HNRNPR: variants seen among roughly 807,000 people sequenced by gnomAD.
The protein encoded by HNRNPR is heterogeneous nuclear ribonucleoprotein R.
A neutral mutation model predicts 70.3 loss-of-function variants in HNRNPR; 4 were observed. That is an observed-to-expected ratio of 0.06 (90% CI 0.03 to 0.13). The LOEUF (loss-of-function observed/expected upper bound fraction) is 0.13. Among genes scored for constraint, HNRNPR ranks in the 10% least tolerant of loss-of-function variants. The pLI is 1.00. For synonymous variants in HNRNPR, 241 were observed against 267.6 expected (o/e 0.90, Z 0.97); for missense variants, 423 against 788.5 (o/e 0.54, Z 5.55).
In HNRNPR at chr1:23,306,661, G is replaced by GTA. The variant is rs1557794901; in HGVS notation, c.*3791_*3792dup. 6.6e-6 allele frequency: 1 copy of GTA among 151,792 alleles called. No homozygotes were observed. The highest frequency in any genetic ancestry group is 1.9e-4 in the East Asian group (1 of 5,184). 9.4% of individuals were successfully genotyped at this position (151,792 alleles called of 1,614,324 possible). A position where few individuals can be genotyped will look rare whatever the true frequency, so the allele number is the denominator to read the frequency against. The stretch of plus-strand genomic sequence containing the variant: ...CCTCTAAATAAAAAAGTATATATAT[G>GTA]TACTTTTATTTAAAGAAAAAAAACT... On this transcript the variant is annotated 3_prime_UTR_variant, in exon 11 of 11. Transcript: ENST00000302271.
chr1:23,341,829 A>G (rs1169148713), intron 1 of HNRNPR, among the ~76,000 whole-genome samples: 1 of 152,210 alleles, frequency 6.6e-6, no homozygotes, highest in Non-Finnish European at 1.5e-5. Context: ...TTACCTAATT[A>G]GGCTAAACTT....
chr1:23,305,416 G>A lies in HNRNPR; in HGVS notation c.*5038C>T, dbSNP rs566496514. On this transcript the variant is annotated 3_prime_UTR_variant, in exon 11 of 11. Transcript: ENST00000302271. Reference sequence around the variant, plus strand: ...AGTCTATAGCAAACTTACAAGTAAGGGTTTATATTCATGACACTGACTAGC... The same window carrying A: ...AGTCTATAGCAAACTTACAAGTAAGAGTTTATATTCATGACACTGACTAGC... The A allele has an allele frequency of 2.0e-5, 3 of 152,058 alleles. No individual in the cohort carries two copies. The highest frequency in any genetic ancestry group is 1.9e-4 in the East Asian group (1 of 5,168). The allele number at this position is 152,058 out of a possible 1,614,324, so 9.4% of individuals were successfully genotyped here.
At chr1:23,331,873 G>T (rs1292726614) in intron 5 of HNRNPR, among the ~76,000 whole-genome samples, 2 of 118,660 alleles carry the variant, frequency 1.7e-5, no homozygotes, top group East Asian at 3.2e-4. Context: ...GGTCCCTGGT[G>T]TAACAGGTTA....
chr1:23,307,615 G>A lies in HNRNPR; in HGVS notation c.*2839C>T, dbSNP rs1645222526. On this transcript the variant is annotated 3_prime_UTR_variant, in exon 11 of 11. Transcript: ENST00000302271. ...TTATTAGAAATCTGGCAACTTATTA[G>A]AACTTTTTTGCTCTTAAAAATTAAA... The A allele has an allele frequency of 2.0e-5, 3 of 151,932 alleles. No individual in the cohort carries two copies. Among genetic ancestry groups the A allele is most frequent in the African/African-American group, 7.2e-5 (3 of 41,386 alleles). 9.4% of individuals were successfully genotyped at this position (151,932 alleles called of 1,614,324 possible). A position where few individuals can be genotyped will look rare whatever the true frequency, so the allele number is the denominator to read the frequency against.
Position 23,310,307 on chromosome 1 carries a change from A to AT in HNRNPR, c.*146dup. Reference sequence around the variant, plus strand: ...AGGAAAAATAAAAAGACTTGAGTATATACACAATAGTGATTTCTTCAGCCC... The same window carrying AT: ...AGGAAAAATAAAAAGACTTGAGTATATTACACAATAGTGATTTCTTCAGCCC... On this transcript the variant is annotated 3_prime_UTR_variant, in exon 11 of 11. Coordinates refer to ENST00000302271, the MANE Select transcript of HNRNPR (RefSeq NM_005826.5). The surrounding 1 kb of genome is among the most constrained non-coding windows in gnomAD (Gnocchi z 6.0). 1 of 737,658 alleles carries AT rather than the reference A, an allele frequency of 1.4e-6. No individual in the cohort carries two copies. Among genetic ancestry groups the AT allele is most frequent in the South Asian group, 2.0e-5 (1 of 50,638 alleles). 45.7% of individuals were successfully genotyped at this position (737,658 alleles called of 1,614,324 possible). A position where few individuals can be genotyped will look rare whatever the true frequency, so the allele number is the denominator to read the frequency against.
intron 6 of HNRNPR, 96 bp from the exon 7 acceptor site, chr1:23,321,759 C>A: frequency 8.1e-7 from 1 of 1,232,566 alleles, no homozygotes; most frequent in Non-Finnish European, 1.1e-6. Context: ...GCCAAACGCT[C>A]CCTGCTTCAT....
chr1:23,308,457 TA>T lies in HNRNPR; in HGVS notation c.*1996del, dbSNP rs540635184. 2.0e-4 allele frequency: 31 copies of T among 152,218 alleles called. No individual in the cohort carries two copies. The highest frequency in any genetic ancestry group is 6.7e-4 in the African/African-American group (28 of 41,584). The allele number at this position is 152,218 out of a possible 1,614,324, so 9.4% of individuals were successfully genotyped here. ...GGTTTTACTTAAGTCTAATTAGATG[TA>T]TAGTTACAACTTCAAATTGTACTTT... On this transcript the variant is annotated 3_prime_UTR_variant, in exon 11 of 11. Transcript: ENST00000302271.
chr1:23,335,447 T>A (rs1490487606), intron 4 of HNRNPR, among the ~76,000 whole-genome samples: 2 of 152,186 alleles, frequency 1.3e-5, no homozygotes, highest in Non-Finnish European at 2.9e-5. Flanking sequence ...AGGAGGTAAA[T>A]AGCGGGCAAG....
At chr1:23,342,316 C>G (rs1304129441) in intron 1 of HNRNPR, among the ~76,000 whole-genome samples, 2 of 151,804 alleles carry the variant, frequency 1.3e-5, no homozygotes, top group Middle Eastern at 3.2e-3. Context: ...GGGAGGAAGA[C>G]CAAGAGGGGA....
chr1:23,322,047 A>G (rs1645780238), intron 6 of HNRNPR, among the ~76,000 whole-genome samples: 1 of 152,216 alleles, frequency 6.6e-6, no homozygotes, highest in African/African-American at 2.4e-5. Flanking sequence ...AAATAACAAT[A>G]TGTAAAGGGT....
intron 5 of HNRNPR, among the ~76,000 whole-genome samples, chr1:23,331,909 TTGA>T (rs1646247072): frequency 6.7e-6 from 1 of 149,220 alleles, no homozygotes; most frequent in Non-Finnish European, 1.5e-5. Flanking sequence ...TTTTCTCCAT[TTGA>T]AGGATGAGCA....
In HNRNPR at chr1:23,306,039, T is replaced by TAAGA. The variant is rs1254545994; in HGVS notation, c.*4414_*4415insTCTT. On this transcript the variant is annotated 3_prime_UTR_variant, in exon 11 of 11. Transcript: ENST00000302271. The stretch of plus-strand genomic sequence containing the variant: ...AAATTAGTGTGCAATAAATATCTCT[T>TAAGA]TAAGATGCATTATATGTTAATCTAT... The TAAGA allele has an allele frequency of 1.3e-5, 2 of 152,180 alleles. No homozygotes were observed. Among genetic ancestry groups the TAAGA allele is most frequent in the African/African-American group, 4.8e-5 (2 of 41,440 alleles). 9.4% of individuals were successfully genotyped at this position (152,180 alleles called of 1,614,324 possible).
chr1:23,332,710 A>AAC (rs1646291032), intron 5 of HNRNPR, among the ~76,000 whole-genome samples: 1 of 151,068 alleles, frequency 6.6e-6, no homozygotes, highest in Admixed American at 6.6e-5. Context: ...TCAAAAAAAA[A>AAC]AAAACAAAAC....
At chr1:23,329,105 T>A (rs747185594) in intron 5 of HNRNPR, among the ~76,000 whole-genome samples, 1 of 151,912 alleles carries the variant, frequency 6.6e-6, no homozygotes, top group Non-Finnish European at 1.5e-5. Context: ...TGGGCAAGAG[T>A]GAGATCTTGT....
Position 23,318,036 on chromosome 1 carries a change from TA to T in HNRNPR, c.1017+446del, listed in dbSNP as rs71736640. Among the ~76,000 whole-genome samples the T allele has an allele frequency of 6.6e-6, 1 of 150,478 alleles. No individual in the cohort carries two copies. The highest frequency in any genetic ancestry group is 1.5e-5 in the Non-Finnish European group (1 of 67,568). ...AAAAATAAAAACTACAAAAAAAGCTTAAAAAAAGAAAAATTAGCTATAAATC... is the reference window on the plus strand; with the variant it reads ...AAAAATAAAAACTACAAAAAAAGCTTAAAAAAGAAAAATTAGCTATAAATC... On this transcript the variant is annotated intron_variant, in intron 8 of 10. Transcript: ENST00000302271. This position sits in a 1 kb window ranked among gnomAD's most constrained non-coding sequence, Gnocchi z 4.2.
chr1:23,321,916 T>C (rs1203155432), intron 6 of HNRNPR, among the ~76,000 whole-genome samples: 2 of 152,218 alleles, frequency 1.3e-5, no homozygotes. Context: ...AAATATCTTA[T>C]TTCATATTTT....
intron 5 of HNRNPR, among the ~76,000 whole-genome samples, chr1:23,328,256 T>C (rs1345906771): frequency 6.6e-6 from 1 of 152,090 alleles, no homozygotes; most frequent in African/African-American, 2.4e-5. Flanking sequence ...AGCAGAAAAA[T>C]GACTGGGTAT....
intron 10 of HNRNPR, 35 bp downstream of exon 10, chr1:23,311,166 T>C (rs760932365): frequency 1.9e-6 from 3 of 1,612,216 alleles, no homozygotes; most frequent in Non-Finnish European, 8.5e-7. Flanking sequence ...CGTTATTCCT[T>C]GTCCAAAGAT....
At chr1:23,336,116 C>CAAAAAAAAAAAAAAAAAAAAAAAAA in intron 4 of HNRNPR, among the ~76,000 whole-genome samples, 1 of 49,486 alleles carries the variant, frequency 2.0e-5, no homozygotes, top group African/African-American at 8.1e-5. Context: ...GACTCCGTCT[C>CAAAAAAAAAAAAAAAAAAAAAAAAA]AAAAAAAAAA....
Sources: gnomAD v4.1 joint callset for allele counts (sites outside exome capture counted in the v4.1 genomes callset) on GRCh38, gnomAD v4.1.1 for gene constraint, Gnocchi (gnomAD v3.1) non-coding constraint, MANE v1.5 for transcripts, NCBI Gene and HGNC (gene_info 2026-07-23, HGNC 2026-07-21) for gene names.